The following SLC17A8 variants were observed in gnomAD, a reference collection of about 807,000 sequenced individuals.
SLC17A8 encodes the protein vesicular glutamate transporter 3.
In SLC17A8, 31 loss-of-function variants were observed where a neutral mutation model predicts 58.0. The ratio of observed to expected loss-of-function variants is 0.53; its 90% CI spans 0.40 to 0.72. The LOEUF is 0.72. SLC17A8 is among the 30% of genes least tolerant of loss of function. SLC17A8 has a pLI of 0.00. For missense variants in SLC17A8, 655 were observed against 727.8 expected, an observed-to-expected ratio of 0.90 and a Z score of 1.15; for synonymous variants, 228 against 249.0, an observed-to-expected ratio of 0.92 and a Z score of 0.79.
At chr12:100,406,481 T>G (rs569122304) in intron 9 of SLC17A8, among the ~76,000 whole-genome samples, 7 of 152,146 alleles carry the variant, frequency 4.6e-5, no homozygotes, top group Admixed American at 3.9e-4. Context: ...GAGCTTGGGT[T>G]TTATTTGAAG....
In SLC17A8 at chr12:100,402,699, G is replaced by A; in HGVS notation, c.1007G>A (p.Ser336Asn). The A allele has an allele frequency of 6.2e-7, 1 of 1,614,058 alleles. No individual in the cohort carries two copies. Among genetic ancestry groups the A allele is most frequent in the Non-Finnish European group, 8.5e-7 (1 of 1,180,002 alleles). The change falls in exon 8 of 12, where the codon AGT becomes AAT. Residue 336 changes from serine (S) to asparagine (N), a missense_variant. By Grantham distance (46) the Ser-to-Asn change is conservative. Transcript: ENST00000323346. Reference protein sequence around the residue: ...RSWTFYLLLISQPAYFEEVFG... With the variant: ...RSWTFYLLLINQPAYFEEVFG... ...TGGACCTTTTATTTGCTCCTCATAAGTCAGCCTGCTTATTTTGAAGAGGTC... is the reference window on the plus strand; with the variant it reads ...TGGACCTTTTATTTGCTCCTCATAAATCAGCCTGCTTATTTTGAAGAGGTC...
At chr12:100,373,881 G>A (rs1415490890) in intron 1 of SLC17A8, among the ~76,000 whole-genome samples, 1 of 152,112 alleles carries the variant, frequency 6.6e-6, no homozygotes, top group Admixed American at 6.5e-5. Context: ...GAGCCACTGT[G>A]CCTGGCCCAA....
At chr12:100,363,746 A>C (rs1423355827) in intron 1 of SLC17A8, among the ~76,000 whole-genome samples, 1 of 151,970 alleles carries the variant, frequency 6.6e-6, no homozygotes, top group Non-Finnish European at 1.5e-5. Flanking sequence ...CATCTTTAAG[A>C]AGCTTCTTCA....
rs1952753086 is a variant in SLC17A8, at chr12:100,396,278, C to T, written c.589-52C>T. ...AGAAGCAGCATCCATATTTTAAACA[C>T]AAGCAGAAACTACAGTCAAATCAAC... On this transcript the variant is annotated intron_variant, in intron 4 of 11. Coordinates refer to ENST00000323346, the MANE Select transcript of SLC17A8 (RefSeq NM_139319.3). 2.1e-6 allele frequency: 3 copies of T among 1,416,792 alleles called. No homozygotes were observed. In the South Asian group the frequency reaches 3.4e-5, roughly 16 times the overall value. The allele number at this position is 1,416,792 out of a possible 1,614,324, so 87.8% of individuals were successfully genotyped here. A position where few individuals can be genotyped will look rare whatever the true frequency, so the allele number is the denominator to read the frequency against.
intron 9 of SLC17A8, among the ~76,000 whole-genome samples, chr12:100,407,236 G>A (rs754370581): frequency 2.0e-4 from 30 of 152,272 alleles, no homozygotes; most frequent in Non-Finnish European, 3.2e-4. Flanking sequence ...ACAAAAAAAT[G>A]TACTTCTAAA....
At chr12:100,395,485 C>T (rs920551514) in intron 4 of SLC17A8, among the ~76,000 whole-genome samples, 2 of 152,006 alleles carry the variant, frequency 1.3e-5, no homozygotes, top group Non-Finnish European at 2.9e-5. Context: ...GCCACTGCAC[C>T]CGGCTAATTT....
At chr12:100,397,380 G>A (rs149118516) in intron 5 of SLC17A8, among the ~76,000 whole-genome samples, 122 of 152,266 alleles carry the variant, frequency 8.0e-4, no homozygotes, top group African/African-American at 2.6e-3. Flanking sequence ...ATTAATTTTT[G>A]TCATTATATC....
intron 1 of SLC17A8, among the ~76,000 whole-genome samples, chr12:100,378,239 G>A (rs1025588325): frequency 2.6e-4 from 39 of 152,282 alleles, no homozygotes; most frequent in African/African-American, 7.9e-4. Flanking sequence ...GGATGACCAA[G>A]TGTTTTCCTG....
At chr12:100,410,855 G>T (rs1422075596) in intron 9 of SLC17A8, among the ~76,000 whole-genome samples, 2 of 152,120 alleles carry the variant, frequency 1.3e-5, no homozygotes, top group East Asian at 3.9e-4. Flanking sequence ...TTCTGCATCG[G>T]ACTTCTGGCT....
intron 10 of SLC17A8, among the ~76,000 whole-genome samples, chr12:100,413,979 GA>G (rs1301537133): frequency 6.6e-6 from 1 of 150,918 alleles, no homozygotes; most frequent in African/African-American, 2.4e-5. Context: ...CCCTTCTCAA[GA>G]AAAAAATAAA....
At position 100,366,654 on chromosome 12, in the gene SLC17A8, C is replaced by T. The variant is rs141607586; in HGVS notation, c.101+9162C>T. On this transcript the variant is annotated intron_variant, in intron 1 of 11. Coordinates refer to ENST00000323346, the MANE Select transcript of SLC17A8 (RefSeq NM_139319.3). Reference sequence around the variant, plus strand: ...GCAGGTTCCTTAGTCACGGAACCTTCGGTCTTCTCCTTCAGTCTTTGGATT... The same window carrying T: ...GCAGGTTCCTTAGTCACGGAACCTTTGGTCTTCTCCTTCAGTCTTTGGATT... Among the ~76,000 whole-genome samples the T allele has an allele frequency of 3.6e-3, 548 of 152,256 alleles. 6 individuals are homozygous for T. Among genetic ancestry groups the T allele is most frequent in the South Asian group, 0.012 (59 of 4,818 alleles).
chr12:100,419,710 C>T, intron 11 of SLC17A8, 105 bp from the exon 12 acceptor site: 1 of 1,139,286 alleles, frequency 8.8e-7, no homozygotes, highest in Non-Finnish European at 1.3e-6. Context: ...TAGAGCATCA[C>T]CTTCCAAATG....
intron 2 of SLC17A8, among the ~76,000 whole-genome samples, chr12:100,386,181 GT>G (rs1384752655): frequency 1.3e-5 from 2 of 152,168 alleles, no homozygotes; most frequent in Non-Finnish European, 2.9e-5. Flanking sequence ...GGGATTTGAT[GT>G]GGATATCTTT....
At chr12:100,391,242 G>A (rs1952714033) in intron 3 of SLC17A8, 123 bp downstream of exon 3, 1 of 727,136 alleles carries the variant, frequency 1.4e-6, no homozygotes, top group Non-Finnish European at 2.5e-6. Flanking sequence ...CTGGATAGAT[G>A]CAATTCACAG....
At chr12:100,387,414 A>G (rs1952683820) in intron 2 of SLC17A8, among the ~76,000 whole-genome samples, 1 of 152,184 alleles carries the variant, frequency 6.6e-6, no homozygotes. Context: ...AGAAATGTCT[A>G]TTCAAGTCTT....
intron 9 of SLC17A8, among the ~76,000 whole-genome samples, chr12:100,407,886 A>G (rs912031048): frequency 2.0e-5 from 3 of 152,176 alleles, no homozygotes; most frequent in Non-Finnish European, 4.4e-5. Context: ...GATTACAGGC[A>G]TGAGCCACCG....
At chr12:100,385,859 T>C (rs901176272) in intron 2 of SLC17A8, among the ~76,000 whole-genome samples, 3 of 152,170 alleles carry the variant, frequency 2.0e-5, no homozygotes, top group African/African-American at 4.8e-5. Flanking sequence ...TAAATCAAGG[T>C]GTTGGCAGCA....
chr12:100,381,824 A>C (rs1301271713), intron 2 of SLC17A8, among the ~76,000 whole-genome samples: 1 of 152,246 alleles, frequency 6.6e-6, no homozygotes. Flanking sequence ...TTAGTAGTAC[A>C]TCAGTGACAA....
intron 1 of SLC17A8, among the ~76,000 whole-genome samples, chr12:100,372,066 G>A (rs11610679): frequency 0.02 from 3,096 of 152,304 alleles, 30 homozygotes; most frequent in Non-Finnish European, 0.028. Flanking sequence ...CTCAAGGATC[G>A]TGTAAAAGAC....
Sources: gnomAD v4.1 joint callset for allele counts (sites outside exome capture counted in the v4.1 genomes callset) on GRCh38, gnomAD v4.1.1 for gene constraint, MANE v1.5 for transcripts, NCBI Gene and HGNC (gene_info 2026-07-23, HGNC 2026-07-21) for gene names.